The following ITGA2 variants were observed in gnomAD, a reference collection of about 807,000 sequenced individuals.
The protein encoded by ITGA2 is integrin alpha-2.
ITGA2 carries 101 observed loss-of-function variants against 146.3 expected under a neutral mutation model. The ratio of observed to expected loss-of-function variants is 0.69; its 90% CI spans 0.59 to 0.81. The LOEUF (loss-of-function observed/expected upper bound fraction) is 0.81. ITGA2 is among the 40% of genes least tolerant of loss of function. ITGA2 has a pLI of 0.00. For missense variants in ITGA2, 1,281 were observed against 1,402.7 expected, an observed-to-expected ratio of 0.91 and a Z score of 1.39; for synonymous variants, 477 against 487.1, an observed-to-expected ratio of 0.98 and a Z score of 0.27.
chr5:53,080,730 C>T (rs1745882527), intron 25 of ITGA2, 109 bp downstream of exon 25: 2 of 803,632 alleles, frequency 2.5e-6, no homozygotes, highest in Non-Finnish European at 4.4e-6. Context: ...GATGGTAACT[C>T]CTATGCAGCC....
At chr5:53,049,191 TA>T (rs1744236047) in intron 6 of ITGA2, among the ~76,000 whole-genome samples, 1 of 151,998 alleles carries the variant, frequency 6.6e-6, no homozygotes, top group African/African-American at 2.4e-5. Context: ...TTTGTATTTT[TA>T]GTAGAAACAG....
chr5:53,059,980 T>C lies in ITGA2; in HGVS notation c.1280T>C (p.Ile427Thr). ...TTTCCTAAACAAGCCTTTGACCAAA[T>C]TCTGCAGGACAGAAATCACAGTTCA... ...LIFPKQAFDQ[I>T]LQDRNHSSYL... The change falls in exon 11 of 30, where the codon ATT (isoleucine) becomes ACT (threonine). Residue 427 changes from isoleucine to threonine, a missense_variant. Physicochemically the swap from Ile to Thr is moderately conservative, Grantham distance 89. Around this residue, in one of 3 missense-constraint regions of ITGA2, gnomAD observed 795 missense variants for 841.7 expected, o/e 0.94. Transcript: ENST00000296585. 6.2e-7 allele frequency: 1 copy of C among 1,612,348 alleles called. No individual in the cohort carries two copies. The highest frequency in any genetic ancestry group is 1.1e-5 in the South Asian group (1 of 91,062).
chr5:53,070,528 G>A (rs1034932073), intron 17 of ITGA2, among the ~76,000 whole-genome samples: 1 of 151,818 alleles, frequency 6.6e-6, no homozygotes, highest in Non-Finnish European at 1.5e-5. Context: ...TAGATACAGT[G>A]TTTTCTTAAA....
chr5:53,067,073 C>T (rs1433741309), intron 15 of ITGA2, 45 bp from the exon 16 acceptor site: 1 of 1,592,264 alleles, frequency 6.3e-7, no homozygotes, highest in East Asian at 2.3e-5. Flanking sequence ...AATACGTGTG[C>T]TCAGTAATAA....
rs1745462137 is a variant in ITGA2, at chr5:53,072,755, T to G, written c.2429+60T>G. Reference sequence around the variant, plus strand: ...GAAATAAAAGACATACTAGATTACTTTATTCAAACGAATGTTTATAGAGTT... The same window carrying G: ...GAAATAAAAGACATACTAGATTACTGTATTCAAACGAATGTTTATAGAGTT... On this transcript the variant is annotated intron_variant, in intron 19 of 29. Transcript: ENST00000296585. 4.6e-6 allele frequency: 6 copies of G among 1,317,092 alleles called. No individual in the cohort carries two copies. The East Asian group carries it at 1.2e-4, about 26-fold the overall frequency. 81.6% of individuals were successfully genotyped at this position (1,317,092 alleles called of 1,614,324 possible).
intron 1 of ITGA2, among the ~76,000 whole-genome samples, chr5:53,018,087 G>A (rs1183713279): frequency 6.6e-6 from 1 of 152,144 alleles, no homozygotes; most frequent in African/African-American, 2.4e-5. Context: ...GCCATGGTCA[G>A]GCTGGAGCTC....
intron 3 of ITGA2, 100 bp downstream of exon 3, chr5:53,042,321 G>C (rs1313366038): frequency 4.8e-6 from 4 of 832,566 alleles, no homozygotes; most frequent in Non-Finnish European, 8.3e-6. Context: ...AATACAGACA[G>C]CTTTTTTTTG....
rs538467194 is a variant in ITGA2, at chr5:53,027,709, G to A, written c.185+841G>A. Among the ~76,000 whole-genome samples the A allele has an allele frequency of 4.6e-4, 70 of 152,266 alleles. 1 individual carries two copies. In the South Asian group the frequency reaches 0.014, roughly 31 times the overall value. Reference sequence around the variant, plus strand: ...GCTCCAACCATCCCCACTCACCCTGGAACTTCAGATTCTGAATCTCCACTC... The same window carrying A: ...GCTCCAACCATCCCCACTCACCCTGAAACTTCAGATTCTGAATCTCCACTC... On this transcript the variant is annotated intron_variant, in intron 2 of 29. Coordinates refer to ENST00000296585, the MANE Select transcript of ITGA2 (RefSeq NM_002203.4).
intron 17 of ITGA2, among the ~76,000 whole-genome samples, chr5:53,071,536 C>T (rs1472263648): frequency 1.3e-5 from 2 of 151,774 alleles, no homozygotes; most frequent in Non-Finnish European, 2.9e-5. Context: ...TTCTGGGAGG[C>T]CCCCAAGAGT....
At chr5:53,048,225 A>G (rs1744185653) in intron 4 of ITGA2, 138 bp from the exon 5 acceptor site, 2 of 736,424 alleles carry the variant, frequency 2.7e-6, no homozygotes, top group Admixed American at 4.0e-5. Flanking sequence ...CGAAGGCATT[A>G]CTGACTCATT....
In ITGA2 at chr5:53,064,397, C is replaced by T. The variant is rs3212552; in HGVS notation, c.1603-515C>T. 2.4e-3 allele frequency among the ~76,000 whole-genome samples: 370 copies of T among 152,030 alleles called. 3 individuals are homozygous for T. Among genetic ancestry groups the T allele is most frequent in the African/African-American group, 8.7e-3 (363 of 41,514 alleles). On this transcript the variant is annotated intron_variant, in intron 13 of 29. Coordinates refer to ENST00000296585, the MANE Select transcript of ITGA2 (RefSeq NM_002203.4). ...ATCTCCTTTGACCTTGGTTTATGAG[C>T]AGATATTTATGACCTTACTGAAATT...
intron 16 of ITGA2, among the ~76,000 whole-genome samples, chr5:53,069,647 A>C (rs1745296670): frequency 6.6e-6 from 1 of 151,956 alleles, no homozygotes; most frequent in Admixed American, 6.6e-5. Flanking sequence ...ATTCTAGTAC[A>C]TTATTTGAAA....
At chr5:53,012,692 G>A (rs1038758442) in intron 1 of ITGA2, among the ~76,000 whole-genome samples, 6 of 152,222 alleles carry the variant, frequency 3.9e-5, no homozygotes, top group Middle Eastern at 3.4e-3. Flanking sequence ...TTTCCACAAT[G>A]GTAGAACTAA....
chr5:53,044,663 C>A (rs1342913035), intron 3 of ITGA2, among the ~76,000 whole-genome samples: 1 of 151,594 alleles, frequency 6.6e-6, no homozygotes, highest in Non-Finnish European at 1.5e-5. Context: ...GATAGAGCTA[C>A]TGTGACTTTC....
At chr5:53,055,841 C>G in intron 8 of ITGA2, 143 bp from the exon 9 acceptor site, 1 of 1,242,936 alleles carries the variant, frequency 8.0e-7, no homozygotes, top group South Asian at 1.2e-5. Flanking sequence ...GATTTTCAAT[C>G]CTGTCTACTA....
Position 53,013,097 on chromosome 5 carries a change from T to C in ITGA2, c.65-13651T>C, listed in dbSNP as rs375621322. ...TTTATTTTGCTGTACAGAAGCTTTT[T>C]AGTTTAATTAGGTCTCACTTGTCAA... is the stretch of plus-strand genomic sequence containing the variant. On this transcript the variant is annotated intron_variant, in intron 1 of 29. Coordinates refer to ENST00000296585, the MANE Select transcript of ITGA2 (RefSeq NM_002203.4). Among the ~76,000 whole-genome samples the C allele has an allele frequency of 8.8e-4, 134 of 152,330 alleles. 1 individual carries two copies. In the South Asian group the frequency reaches 0.016, roughly 18 times the overall value.
chr5:53,055,900 A>G (rs893432581), intron 8 of ITGA2, 84 bp from the exon 9 acceptor site: 8 of 1,372,576 alleles, frequency 5.8e-6, no homozygotes, highest in South Asian at 2.4e-5. Context: ...CAGAGGGAAT[A>G]TTGTGTTCAA....
In ITGA2 at chr5:53,061,009, G is replaced by A. The variant is rs1265561130; in HGVS notation, c.1421G>A (p.Gly474Asp). 1.9e-6 allele frequency: 3 copies of A among 1,612,212 alleles called. No homozygotes were observed. Among genetic ancestry groups the A allele is most frequent in the Admixed American group, 1.7e-5 (1 of 59,798 alleles). Residue 474 changes from glycine (G) to aspartate (D), a missense_variant, in exon 12 of 30, where the codon GGC (glycine) becomes GAC (aspartate). Physicochemically the swap from Gly to Asp is moderately conservative, Grantham distance 94. Around this residue, in one of 3 missense-constraint regions of ITGA2, gnomAD observed 795 missense variants for 841.7 expected, o/e 0.94. Transcript: ENST00000296585. ...QIVLYSVNEN[G>D]NITVIQAHRG... The stretch of plus-strand genomic sequence containing the variant: ...GTGCTATATAGTGTGAATGAGAATG[G>A]CAATATCACGGTTATTCAGGCTCAC...
At chr5:53,002,902 G>T (rs946245401) in intron 1 of ITGA2, among the ~76,000 whole-genome samples, 1 of 151,936 alleles carries the variant, frequency 6.6e-6, no homozygotes, top group Non-Finnish European at 1.5e-5. Flanking sequence ...TCATGAGGGT[G>T]CATTTTTTCA....
Sources: gnomAD v4.1 joint callset for allele counts (sites outside exome capture counted in the v4.1 genomes callset) on GRCh38, gnomAD v4.1.1 for gene constraint, gnomAD v4.1.1 regional missense constraint, MANE v1.5 for transcripts, NCBI Gene and HGNC (gene_info 2026-07-23, HGNC 2026-07-21) for gene names.